DNAJC15: variants seen among roughly 807,000 people sequenced by gnomAD.
DNAJC15 encodes dnaJ homolog subfamily C member 15.
In DNAJC15, 27 loss-of-function variants were observed where a neutral mutation model predicts 22.4. The observed-to-expected ratio is 1.20, with a 90% CI of 0.89 to 1.66. DNAJC15 has a LOEUF of 1.66. Among genes scored for constraint, DNAJC15 ranks in the 40% most tolerant of loss-of-function variants. The probability of loss-of-function intolerance (pLI) is 0.00; values close to 1 mark genes in which losing one functional copy is unlikely to be tolerated. For synonymous variants in DNAJC15, 79 were observed against 63.2 expected (o/e 1.25, Z -1.19); for missense variants, 208 against 187.1 (o/e 1.11, Z -0.65).
intron 1 of DNAJC15, among the ~76,000 whole-genome samples, chr13:43,060,380 G>A (rs1044530431): frequency 2.0e-5 from 3 of 152,092 alleles, no homozygotes; most frequent in South Asian, 2.1e-4. Context: ...GAAAGTAAAC[G>A]AAAGACACAA....
At chr13:43,023,852 C>A in intron 1 of DNAJC15, 118 bp downstream of exon 1, 1 of 966,568 alleles carries the variant, frequency 1.0e-6, no homozygotes, top group Non-Finnish European at 1.5e-6. Flanking sequence ...ACGGTCTGTG[C>A]CCTAGCGCTC....
In DNAJC15 at chr13:43,107,163, TCTTTGTTCTCTC is replaced by T. The variant is rs751584745; in HGVS notation, c.383-14_383-3del. On this transcript the variant is annotated splice_region_variant and splice_polypyrimidine_tract_variant and intron_variant, in intron 5 of 5. Transcript: ENST00000379221. ...GATGAAATGTATTTTAATTCATTTT[TCTTTGTTCTCTC>T]AGGTGGATCTCCTTACGTAGCAGCC... The T allele has an allele frequency of 3.9e-6, 6 of 1,548,736 alleles. No individual in the cohort carries two copies. The African/African-American group carries it at 8.4e-5, about 22-fold the overall frequency.
intron 5 of DNAJC15, among the ~76,000 whole-genome samples, chr13:43,092,572 C>A (rs1322118104): frequency 6.6e-6 from 1 of 151,586 alleles, no homozygotes; most frequent in Non-Finnish European, 1.5e-5. Flanking sequence ...ATTCCTTTTT[C>A]TGACCCTTTA....
chr13:43,072,752 T>C (rs1285085628), intron 3 of DNAJC15, among the ~76,000 whole-genome samples: 2 of 152,236 alleles, frequency 1.3e-5, no homozygotes, highest in Non-Finnish European at 2.9e-5. Context: ...TTAGTGGAGA[T>C]GGAGTTTCAC....
At chr13:43,029,836 G>C (rs1003850097) in intron 1 of DNAJC15, among the ~76,000 whole-genome samples, 2 of 151,954 alleles carry the variant, frequency 1.3e-5, no homozygotes, top group Non-Finnish European at 2.9e-5. Context: ...AAGAATACTC[G>C]TTCTCTCAGT....
intron 1 of DNAJC15, among the ~76,000 whole-genome samples, chr13:43,061,564 C>A: frequency 6.6e-6 from 1 of 152,216 alleles, no homozygotes; most frequent in East Asian, 1.9e-4. Context: ...GTGAGGAAAC[C>A]TCTTTCTGCC....
At chr13:43,035,619 A>G (rs894491012) in intron 1 of DNAJC15, among the ~76,000 whole-genome samples, 1 of 152,226 alleles carries the variant, frequency 6.6e-6, no homozygotes, top group Non-Finnish European at 1.5e-5. Flanking sequence ...CTTCATTACT[A>G]TAAGTACTTA....
intron 1 of DNAJC15, among the ~76,000 whole-genome samples, chr13:43,058,051 G>A (rs1039524236): frequency 2.0e-5 from 3 of 152,210 alleles, no homozygotes; most frequent in Non-Finnish European, 4.4e-5. Flanking sequence ...TAGTGAGTTG[G>A]TTTTCTTGAA....
chr13:43,108,373 A>G lies in DNAJC15; in HGVS notation c.*1125A>G, dbSNP rs1017753225. On this transcript the variant is annotated 3_prime_UTR_variant, in exon 6 of 6. Transcript: ENST00000379221. ...CAGCCCTGTGACTTACACTGCATTA[A>G]ATTAATTTCTTAGAACATAGTCCCT... is the stretch of plus-strand genomic sequence containing the variant. 2 of 152,198 alleles carry G rather than the reference A, an allele frequency of 1.3e-5. No individual in the cohort carries two copies. The highest frequency in any genetic ancestry group is 2.1e-4 in the South Asian group (1 of 4,834). 9.4% of individuals were successfully genotyped at this position (152,198 alleles called of 1,614,324 possible).
chr13:43,025,423 T>TCCAGGTA (rs1162314755), intron 1 of DNAJC15, among the ~76,000 whole-genome samples: 2 of 152,190 alleles, frequency 1.3e-5, no homozygotes, highest in African/African-American at 4.8e-5. Context: ...ATAGGAAGCA[T>TCCAGGTA]CTTTAGTAGT....
At chr13:43,107,060 T>C in intron 5 of DNAJC15, 118 bp from the exon 6 acceptor site, 1 of 760,740 alleles carries the variant, frequency 1.3e-6, no homozygotes. Flanking sequence ...TATAAAATAA[T>C]TTGTCAGAGG....
intron 1 of DNAJC15, among the ~76,000 whole-genome samples, chr13:43,062,093 G>A (rs1348209447): frequency 1.3e-5 from 2 of 152,034 alleles, no homozygotes; most frequent in African/African-American, 4.8e-5. Context: ...TTATTGAAGG[G>A]ACTGTTTTCA....
In DNAJC15 at chr13:43,088,138, G is replaced by A. The variant is rs997942037; in HGVS notation, c.382+2300G>A. ...TGCAGTCTTAATCAATGTGTATTTT[G>A]CCTATTCTTACCAGTCCAGTTTGTG... is the stretch of plus-strand genomic sequence containing the variant. On this transcript the variant is annotated intron_variant, in intron 5 of 5. Coordinates refer to ENST00000379221, the MANE Select transcript of DNAJC15 (RefSeq NM_013238.3). Among the ~76,000 whole-genome samples the A allele has an allele frequency of 3.3e-5, 5 of 152,218 alleles. No individual in the cohort carries two copies. In the East Asian group the frequency reaches 7.7e-4, roughly 23 times the overall value.
chr13:43,107,115 TG>T, intron 5 of DNAJC15, 62 bp from the exon 6 acceptor site: 2 of 1,303,462 alleles, frequency 1.5e-6, no homozygotes, highest in Non-Finnish European at 2.1e-6. Flanking sequence ...TTTTATATTT[TG>T]GGGACTTTAA....
chr13:43,091,842 G>A (rs1478163375), intron 5 of DNAJC15, among the ~76,000 whole-genome samples: 4 of 152,000 alleles, frequency 2.6e-5, no homozygotes, highest in Non-Finnish European at 5.9e-5. Context: ...AGAGGGTTTT[G>A]TAGTTATCTC....
intron 1 of DNAJC15, among the ~76,000 whole-genome samples, chr13:43,027,400 C>T (rs1392101726): frequency 2.0e-5 from 3 of 152,064 alleles, no homozygotes; most frequent in South Asian, 4.1e-4. Flanking sequence ...TCTCCCTCCT[C>T]CCACCCCCAC....
At chr13:43,084,568 A>G (rs111459917) in intron 4 of DNAJC15, among the ~76,000 whole-genome samples, 71 of 152,344 alleles carry the variant, frequency 4.7e-4, no homozygotes, top group African/African-American at 1.6e-3. Context: ...ACTGTGCTTT[A>G]AGTCAACTAT....
intron 5 of DNAJC15, among the ~76,000 whole-genome samples, chr13:43,090,570 A>C (rs974359267): frequency 6.6e-6 from 1 of 152,190 alleles, no homozygotes; most frequent in South Asian, 2.1e-4. Context: ...GCCTCTATTC[A>C]TGAAAAAAAC....
At chr13:43,090,709 C>CTTT (rs5803165) in intron 5 of DNAJC15, among the ~76,000 whole-genome samples, 1 of 139,544 alleles carries the variant, frequency 7.2e-6, no homozygotes, top group African/African-American at 2.7e-5. Flanking sequence ...TTCTTTCTTT[C>CTTT]TTTTTTTTTT....
Sources: allele counts gnomAD v4.1 joint callset (sites outside exome capture counted in the v4.1 genomes callset), GRCh38; gene constraint gnomAD v4.1.1; transcripts MANE v1.5; gene names NCBI Gene and HGNC (gene_info 2026-07-23, HGNC 2026-07-21).